The following DENND4C variants were observed in gnomAD, a reference collection of about 807,000 sequenced individuals.
The protein encoded by DENND4C is DENN domain-containing protein 4C.
Under a neutral mutation model 203.0 loss-of-function variants are expected in DENND4C, and 108 were observed. The observed-to-expected ratio is 0.53, with a 90% confidence interval of 0.46 to 0.62. The LOEUF is 0.62. Ranked by LOEUF, DENND4C falls within the 20% of genes least tolerant of loss-of-function variation. DENND4C has a pLI of 0.00. For missense variants in DENND4C, 2,481 were observed against 2,301.2 expected, an observed-to-expected ratio of 1.08 and a Z score of -1.60; for synonymous variants, 871 against 792.4, an observed-to-expected ratio of 1.10 and a Z score of -1.67.
At chr9:19,334,917 C>T in intron 17 of DENND4C, 60 bp from the exon 18 acceptor site, 1 of 1,414,600 alleles carries the variant, frequency 7.1e-7, no homozygotes, top group Non-Finnish European at 9.4e-7. Context: ...AGTAAAATCT[C>T]TACAATTCAC....
At chr9:19,260,850 C>A (rs1266944407) in intron 1 of DENND4C, among the ~76,000 whole-genome samples, 1 of 152,086 alleles carries the variant, frequency 6.6e-6, no homozygotes, top group Non-Finnish European at 1.5e-5. Flanking sequence ...GCTTTGGTTA[C>A]CTATGCTTTT....
chr9:19,372,372 T>A lies in DENND4C; in HGVS notation c.*199T>A. The A allele has an allele frequency of 1.8e-6, 1 of 563,652 alleles. No individual in the cohort carries two copies. The highest frequency in any genetic ancestry group is 2.8e-6 in the Non-Finnish European group (1 of 361,888). The allele number at this position is 563,652 out of a possible 1,614,324, so 34.9% of individuals were successfully genotyped here. A position where few individuals can be genotyped will look rare whatever the true frequency, so the allele number is the denominator to read the frequency against. On this transcript the variant is annotated 3_prime_UTR_variant, in exon 33 of 33. Transcript: ENST00000434457. ...GCCATTTGAATGTCCCAGGGCTTATTAATATTGAAGATTTTCAACCCCTGA... is the reference window on the plus strand; with the variant it reads ...GCCATTTGAATGTCCCAGGGCTTATAAATATTGAAGATTTTCAACCCCTGA...
chr9:19,297,747 T>G (rs1837754847), intron 6 of DENND4C, among the ~76,000 whole-genome samples: 1 of 152,176 alleles, frequency 6.6e-6, no homozygotes, highest in South Asian at 2.1e-4. Context: ...CTCCCTGTAC[T>G]GGCACAGATA....
Position 19,346,347 on chromosome 9 carries a change from A to C in DENND4C, c.3578A>C (p.Asp1193Ala). Residue 1193 changes from aspartate (D) to alanine (A), a missense_variant, in exon 23 of 33, where the codon GAT (aspartate) becomes GCT (alanine). By Grantham distance (126) the Asp-to-Ala change is moderately radical. Coordinates refer to ENST00000434457, the MANE Select transcript of DENND4C (RefSeq NM_001330640.2). Reference protein sequence around the residue: ...ESQELLEPVVDDVPKTTATVD... With the variant: ...ESQELLEPVVADVPKTTATVD... ...CAAGAACTCCTTGAGCCTGTGGTTGATGACGTACCTAAAACTACTGCAACA... is the reference window on the plus strand; with the variant it reads ...CAAGAACTCCTTGAGCCTGTGGTTGCTGACGTACCTAAAACTACTGCAACA... 1 of 1,614,216 alleles carries C rather than the reference A, an allele frequency of 6.2e-7. No homozygotes were observed. Among genetic ancestry groups the C allele is most frequent in the Non-Finnish European group, 8.5e-7 (1 of 1,180,040 alleles).
intron 16 of DENND4C, 25 bp from the exon 17 acceptor site, chr9:19,331,953 T>C (rs749595249): frequency 1.3e-5 from 21 of 1,582,788 alleles, no homozygotes; most frequent in African/African-American, 5.5e-5. Context: ...TTAGTAAATA[T>C]CATAATATTT....
intron 31 of DENND4C, chr9:19,371,547 G>T: frequency 3.0e-6 from 1 of 337,560 alleles, no homozygotes; most frequent in South Asian, 4.3e-5. Flanking sequence ...TACAAAAATA[G>T]TACAGAATTC....
chr9:19,295,984 T>C (rs767152141), intron 5 of DENND4C, 24 bp from the exon 6 acceptor site: 31 of 1,530,532 alleles, frequency 2.0e-5, no homozygotes, highest in African/African-American at 2.8e-5. Flanking sequence ...TCAAATCTTA[T>C]AACAGAATTC....
At chr9:19,315,268 C>A (rs553507866) in intron 10 of DENND4C, among the ~76,000 whole-genome samples, 4 of 151,896 alleles carry the variant, frequency 2.6e-5, no homozygotes, top group Admixed American at 6.6e-5. Context: ...ACTATGTGTC[C>A]TGTTCTGTGA....
intron 1 of DENND4C, among the ~76,000 whole-genome samples, chr9:19,251,004 C>T (rs1305613610): frequency 6.6e-6 from 1 of 152,210 alleles, no homozygotes. Context: ...ACCACCTTCT[C>T]ACAGCTCCGC....
chr9:19,246,986 T>A (rs1825440154), intron 1 of DENND4C, among the ~76,000 whole-genome samples: 1 of 152,196 alleles, frequency 6.6e-6, no homozygotes. Flanking sequence ...TCCCCAACTC[T>A]TTCCAGGCTG....
At chr9:19,328,547 A>G (rs943411897) in intron 16 of DENND4C, among the ~76,000 whole-genome samples, 2 of 152,132 alleles carry the variant, frequency 1.3e-5, no homozygotes, top group Non-Finnish European at 2.9e-5. Flanking sequence ...TGGGTGATGC[A>G]GGTTGCAGTG....
rs557879036 is a variant in DENND4C, at chr9:19,351,324, G to A, written c.4495+445G>A. 5.9e-5 allele frequency among the ~76,000 whole-genome samples: 9 copies of A among 152,224 alleles called. No individual in the cohort carries two copies. In the South Asian group the frequency reaches 1.0e-3, roughly 18 times the overall value. ...ATAAATGCAAATGTCCAAGCCTAAC[G>A]CTAAAACTTCTGAGACTGAATTTGT... On this transcript the variant is annotated intron_variant, in intron 24 of 32. Coordinates refer to ENST00000434457, the MANE Select transcript of DENND4C (RefSeq NM_001330640.2).
At chr9:19,301,109 C>T (rs905381735) in intron 9 of DENND4C, among the ~76,000 whole-genome samples, 8 of 150,872 alleles carry the variant, frequency 5.3e-5, no homozygotes, top group African/African-American at 1.2e-4. Flanking sequence ...ACCCAGGAGG[C>T]GGAGGTTATG....
At chr9:19,231,469 A>G (rs1820535700) in intron 1 of DENND4C, among the ~76,000 whole-genome samples, 1 of 151,706 alleles carries the variant, frequency 6.6e-6, no homozygotes, top group East Asian at 1.9e-4. Context: ...TAAACACAAA[A>G]CCAAGGAATG....
At chr9:19,350,635 G>A in intron 23 of DENND4C, 67 bp from the exon 24 acceptor site, 2 of 1,333,672 alleles carry the variant, frequency 1.5e-6, no homozygotes, top group South Asian at 1.4e-5. Context: ...GAAAAGGGTA[G>A]AGTGGGTATA....
chr9:19,250,526 C>T (rs973811829), intron 1 of DENND4C, among the ~76,000 whole-genome samples: 2 of 152,140 alleles, frequency 1.3e-5, no homozygotes, highest in Non-Finnish European at 2.9e-5. Context: ...CTGCACCCGA[C>T]CCCAAAGTCT....
chr9:19,343,250 C>G (rs1464383093), intron 22 of DENND4C, among the ~76,000 whole-genome samples: 1 of 152,174 alleles, frequency 6.6e-6, no homozygotes, highest in Admixed American at 6.5e-5. Context: ...ATAGGTACCC[C>G]AAGCCATTTT....
chr9:19,248,801 TG>T (rs1825862244), intron 1 of DENND4C, among the ~76,000 whole-genome samples: 1 of 99,310 alleles, frequency 1.0e-5, no homozygotes, highest in South Asian at 4.9e-4. Flanking sequence ...ATAGCACCTA[TG>T]GTTTTTTTTT....
At chr9:19,250,761 C>G (rs1446469875) in intron 1 of DENND4C, among the ~76,000 whole-genome samples, 1 of 152,194 alleles carries the variant, frequency 6.6e-6, no homozygotes, top group Non-Finnish European at 1.5e-5. Flanking sequence ...GCGGGGTGGT[C>G]AAGTCTTAAA....
Sources: gnomAD v4.1 joint callset for allele counts (sites outside exome capture counted in the v4.1 genomes callset) on GRCh38, gnomAD v4.1.1 for gene constraint, MANE v1.5 for transcripts, NCBI Gene and HGNC (gene_info 2026-07-23, HGNC 2026-07-21) for gene names.